NRXN3: variants seen among roughly 807,000 people sequenced by gnomAD.
NRXN3 encodes the protein neurexin 3.
Under a neutral mutation model 137.6 loss-of-function variants are expected in NRXN3, and 32 were observed. The observed-to-expected ratio is 0.23, with a 90% CI of 0.18 to 0.31. NRXN3 has a LOEUF of 0.31. Ranked by LOEUF, NRXN3 falls within the 10% of genes least tolerant of loss-of-function variation. The probability of loss-of-function intolerance (pLI) is 1.00; values close to 1 mark genes in which losing one functional copy is unlikely to be tolerated. For missense variants in NRXN3, 1,574 were observed against 2,062.5 expected (o/e 0.76, Z 4.59); for synonymous variants, 798 against 784.5 (o/e 1.02, Z -0.29).
chr14:78,879,659 G>T (rs1175851567), intron 10 of NRXN3, among the ~76,000 whole-genome samples: 2 of 152,150 alleles, frequency 1.3e-5, no homozygotes, highest in Non-Finnish European at 2.9e-5. Context: ...TTAAGACAAG[G>T]AATGAATCTT....
At chr14:78,583,789 G>A (rs930832728) in intron 4 of NRXN3, among the ~76,000 whole-genome samples, 7 of 152,164 alleles carry the variant, frequency 4.6e-5, no homozygotes, top group African/African-American at 1.7e-4. Flanking sequence ...TGCCCTGCTT[G>A]TTGAAAATCA....
At chr14:79,754,795 A>T (rs2154093824) in intron 19 of NRXN3, among the ~76,000 whole-genome samples, 1 of 151,794 alleles carries the variant, frequency 6.6e-6, no homozygotes, top group African/African-American at 2.4e-5. Context: ...TCGGGAGGTG[A>T]TTGGATTATG....
chr14:78,438,506 T>C (rs185789025), intron 4 of NRXN3, among the ~76,000 whole-genome samples: 97 of 152,242 alleles, frequency 6.4e-4, no homozygotes, highest in Non-Finnish European at 1.3e-3. Flanking sequence ...GGTGTTAAGC[T>C]GCTTTTATTG....
intron 4 of NRXN3, among the ~76,000 whole-genome samples, chr14:78,509,602 C>G (rs1442795167): frequency 1.3e-5 from 2 of 152,116 alleles, no homozygotes; most frequent in Non-Finnish European, 2.9e-5. Context: ...CTATTGACCA[C>G]AGACTTGGCC....
chr14:78,787,188 G>A (rs1393268926), intron 8 of NRXN3, among the ~76,000 whole-genome samples: 3 of 152,104 alleles, frequency 2.0e-5, no homozygotes, highest in Non-Finnish European at 4.4e-5. Flanking sequence ...GTATAGAATT[G>A]AGGTTTGTTG....
rs7160884 is a variant in NRXN3, at chr14:79,212,987, A to G, written c.3262+224846A>G. On this transcript the variant is annotated intron_variant, in intron 15 of 20. Transcript: ENST00000335750. The stretch of plus-strand genomic sequence containing the variant: ...TTTGGTTTATAAACTTACCTTGGAG[A>G]TTGGGCAAATTGGCTGGTTAGTTTA... Among the ~76,000 whole-genome samples the G allele has an allele frequency of 8.9e-3, 1,356 of 151,960 alleles. 29 individuals are homozygous for G. Among genetic ancestry groups the G allele is most frequent in the African/African-American group, 0.032 (1,315 of 41,442 alleles).
chr14:78,430,183 A>G (rs1434560774), intron 4 of NRXN3, among the ~76,000 whole-genome samples: 1 of 152,250 alleles, frequency 6.6e-6, no homozygotes, highest in African/African-American at 2.4e-5. Context: ...GGCTGCAGTG[A>G]GCAGTGATCA....
chr14:78,746,719 A>G (rs1190987382), intron 8 of NRXN3, among the ~76,000 whole-genome samples: 4 of 152,164 alleles, frequency 2.6e-5, no homozygotes, highest in Admixed American at 6.5e-5. Context: ...GCTCACTTCT[A>G]CTTGTGCAGA....
Position 78,594,694 on chromosome 14 carries a change from G to T in NRXN3, c.758-50426G>T, listed in dbSNP as rs57222734. On this transcript the variant is annotated intron_variant, in intron 4 of 20. Transcript: ENST00000335750. ...TGACTTTGTGTCATTGGCAATGTCC[G>T]CTACGAAGGATGGAGGAATTCAAGA... 2.0e-5 allele frequency among the ~76,000 whole-genome samples: 3 copies of T among 152,190 alleles called. No individual in the cohort carries two copies. In the East Asian group the frequency reaches 5.8e-4, roughly 29 times the overall value.
intron 15 of NRXN3, among the ~76,000 whole-genome samples, chr14:79,466,101 A>G (rs529033778): frequency 6.6e-6 from 1 of 152,358 alleles, no homozygotes; most frequent in Admixed American, 6.5e-5. Flanking sequence ...ACAAGTAAAG[A>G]GTAAACATAC....
intron 14 of NRXN3, among the ~76,000 whole-genome samples, chr14:78,975,406 T>C (rs1178840067): frequency 6.6e-6 from 1 of 152,164 alleles, no homozygotes; most frequent in South Asian, 2.1e-4. Context: ...AGAAGCTCAA[T>C]GTGGCTGAAA....
intron 15 of NRXN3, among the ~76,000 whole-genome samples, chr14:79,337,923 C>G (rs1476220894): frequency 6.6e-6 from 1 of 152,128 alleles, no homozygotes; most frequent in African/African-American, 2.4e-5. Context: ...AATTTCTCCT[C>G]CCTTCTGATT....
chr14:79,699,248 C>A (rs2098746077), intron 19 of NRXN3, among the ~76,000 whole-genome samples: 1 of 151,998 alleles, frequency 6.6e-6, no homozygotes, highest in Admixed American at 6.6e-5. Flanking sequence ...ACACCTTGCT[C>A]TACTCACTGA....
intron 4 of NRXN3, among the ~76,000 whole-genome samples, chr14:78,339,474 A>T (rs2081913088): frequency 6.6e-6 from 1 of 152,086 alleles, no homozygotes. Flanking sequence ...TGTGTTTGGG[A>T]AGGGTGTCAG....
chr14:78,968,482 A>G lies in NRXN3; in HGVS notation c.3142+136A>G, dbSNP rs917320759. The stretch of plus-strand genomic sequence containing the variant: ...ATTTGCCACGTGACATTGCATCACC[A>G]TCAGTGTTCTCTTGTCACTGGTTTA... On this transcript the variant is annotated intron_variant, in intron 14 of 20. Transcript: ENST00000335750. 6 of 696,256 alleles carry G rather than the reference A, an allele frequency of 8.6e-6. No individual in the cohort carries two copies. In the African/African-American group the frequency reaches 8.9e-5, roughly 10 times the overall value. The allele number at this position is 696,256 out of a possible 1,614,324, so 43.1% of individuals were successfully genotyped here.
At chr14:78,403,090 G>A (rs1055153223) in intron 4 of NRXN3, among the ~76,000 whole-genome samples, 47 of 152,274 alleles carry the variant, frequency 3.1e-4, no homozygotes, top group Admixed American at 9.8e-4. Flanking sequence ...TCAGCTAACC[G>A]TGGGATTGGG....
intron 9 of NRXN3, among the ~76,000 whole-genome samples, 187 bp from the exon 10 acceptor site, chr14:78,810,131 A>C (rs2098902510): frequency 6.6e-6 from 1 of 151,822 alleles, no homozygotes; most frequent in Non-Finnish European, 1.5e-5. Context: ...ATATGTATCC[A>C]ACTTTACTAA....
At position 79,815,757 on chromosome 14, in the gene NRXN3, A is replaced by G. The variant is rs59441335; in HGVS notation, c.4093+10567A>G. Reference sequence around the variant, plus strand: ...CACCATGGCTGATTTCTAGCTACCAATATGACAGCCCTAAACTCAGAATTG... The same window carrying G: ...CACCATGGCTGATTTCTAGCTACCAGTATGACAGCCCTAAACTCAGAATTG... On this transcript the variant is annotated intron_variant, in intron 20 of 20. Transcript: ENST00000335750. Among the ~76,000 whole-genome samples, 352 of 152,302 alleles carry G rather than the reference A, an allele frequency of 2.3e-3. 4 individuals carry two copies. In the East Asian group the frequency reaches 0.056, roughly 24 times the overall value.
chr14:79,385,126 T>G (rs963554148), intron 15 of NRXN3, among the ~76,000 whole-genome samples: 1 of 151,370 alleles, frequency 6.6e-6, no homozygotes, highest in African/African-American at 2.4e-5. Context: ...TAGTTACATA[T>G]GTATACATGT....
Sources: gnomAD v4.1 joint callset for allele counts (sites outside exome capture counted in the v4.1 genomes callset) on GRCh38, gnomAD v4.1.1 for gene constraint, MANE v1.5 for transcripts, NCBI Gene and HGNC (gene_info 2026-07-23, HGNC 2026-07-21) for gene names.